NRG1: variants seen among roughly 807,000 people sequenced by gnomAD.
NRG1 encodes the protein neuregulin 1, also known as pro-neuregulin-1, membrane-bound isoform.
A neutral mutation model predicts 63.8 loss-of-function variants in NRG1; 18 were observed. The ratio of observed to expected loss-of-function variants is 0.28; its 90% CI spans 0.19 to 0.42. NRG1 has a LOEUF of 0.42. NRG1 is among the 10% of genes least tolerant of loss of function. The pLI, the probability that NRG1 is intolerant of heterozygous loss-of-function variation, is 1.00. For missense variants in NRG1, 762 were observed against 814.7 expected (o/e 0.94, Z 0.79); for synonymous variants, 302 against 301.3 (o/e 1.00, Z -0.02).
rs190054063 is a variant in NRG1 at position 31,859,592 on chromosome 8, C to T, written c.37+220161C>T. 1.3e-5 allele frequency among the ~76,000 whole-genome samples: 2 copies of T among 152,298 alleles called. 1 individual carries two copies. Among genetic ancestry groups the T allele is most frequent in the Non-Finnish European group, 2.9e-5 (2 of 68,026 alleles). On this transcript the variant is annotated intron_variant, in intron 1 of 10. Coordinates refer to the NRG1 transcript ENST00000519301. Reference sequence around the variant, plus strand: ...TAATTTGCTTTATTAAAAATAACTTCTGCATAACTATTGAAGAATAAAACA... The same window carrying T: ...TAATTTGCTTTATTAAAAATAACTTTTGCATAACTATTGAAGAATAAAACA...
intron 1 of NRG1, among the ~76,000 whole-genome samples, chr8:31,856,211 C>G (rs919809421): frequency 5.9e-5 from 9 of 152,174 alleles, no homozygotes; most frequent in African/African-American, 1.9e-4. Flanking sequence ...AGAGTATTTT[C>G]CAACTTGGTT....
chr8:32,254,710 G>T (rs768764297), intron 1 of NRG1, among the ~76,000 whole-genome samples: 4 of 152,178 alleles, frequency 2.6e-5, no homozygotes, highest in African/African-American at 9.7e-5. Flanking sequence ...CCAGAGCTGA[G>T]TTCAATGGAA....
intron 1 of NRG1, among the ~76,000 whole-genome samples, chr8:32,427,313 A>G (rs1017476872): frequency 1.3e-5 from 2 of 152,318 alleles, no homozygotes; most frequent in African/African-American, 2.4e-5. Flanking sequence ...TTCTTTGGAC[A>G]TGGCATTAAA....
At position 32,114,110 on chromosome 8, in the gene NRG1, G is replaced by A. The variant is rs181444854; in HGVS notation, c.37+474679G>A. ...CAACTTGTACTAAAATGGCCAAAGC[G>A]TTTACTTACATTTGTTTGTTTACAC... On this transcript the variant is annotated intron_variant, in intron 1 of 10. Coordinates refer to the NRG1 transcript ENST00000519301. Among the ~76,000 whole-genome samples, 26 of 152,304 alleles carry A rather than the reference G, an allele frequency of 1.7e-4. 1 individual carries two copies. In the South Asian group the frequency reaches 2.7e-3, roughly 16 times the overall value.
intron 1 of NRG1, among the ~76,000 whole-genome samples, chr8:32,565,653 C>A (rs891152918): frequency 1.3e-5 from 2 of 152,140 alleles, no homozygotes; most frequent in Admixed American, 1.3e-4. Flanking sequence ...TTATTTGGTG[C>A]CTTTTCAAAC....
chr8:31,872,266 A>AAG (rs1305208427), intron 1 of NRG1, among the ~76,000 whole-genome samples: 1 of 152,174 alleles, frequency 6.6e-6, no homozygotes, highest in Non-Finnish European at 1.5e-5. Flanking sequence ...TTCCCTCTTT[A>AAG]AGAGGGGACT....
intron 1 of NRG1, among the ~76,000 whole-genome samples, chr8:31,851,656 G>A (rs12675864): frequency 0.23 from 34,988 of 151,656 alleles, 5,248 homozygotes; most frequent in East Asian, 0.68. Context: ...TGTGCACAAT[G>A]TTCAGGTTAG....
intron 1 of NRG1, among the ~76,000 whole-genome samples, chr8:32,537,288 A>G (rs1008239837): frequency 1.3e-4 from 20 of 148,670 alleles, no homozygotes; most frequent in Non-Finnish European, 2.2e-4. Flanking sequence ...GCCTCCTCTT[A>G]CCTTCTGCTG....
chr8:31,910,600 G>A (rs568840568), intron 1 of NRG1, among the ~76,000 whole-genome samples: 1 of 152,304 alleles, frequency 6.6e-6, no homozygotes, highest in East Asian at 1.9e-4. Context: ...AGACATCTCA[G>A]TAGAAGATTT....
intron 1 of NRG1, among the ~76,000 whole-genome samples, chr8:32,174,518 C>A (rs1840465538): frequency 6.6e-6 from 1 of 152,094 alleles, no homozygotes; most frequent in African/African-American, 2.4e-5. Context: ...ACACAAAAAA[C>A]CCTTCAAAAA....
chr8:32,294,598 A>C (rs1854617454), intron 1 of NRG1, among the ~76,000 whole-genome samples: 1 of 152,234 alleles, frequency 6.6e-6, no homozygotes, highest in African/African-American at 2.4e-5. Context: ...CCAGTTGCAC[A>C]CATCATTATC....
chr8:32,559,338 A>G (rs968026527), intron 1 of NRG1, among the ~76,000 whole-genome samples: 1 of 150,798 alleles, frequency 6.6e-6, no homozygotes, highest in African/African-American at 2.4e-5. Context: ...CTCCCTTGAC[A>G]AATTAAGCCA....
chr8:32,616,797 G>T, intron 4 of NRG1, 38 bp from the exon 5 acceptor site: 1 of 1,540,608 alleles, frequency 6.5e-7, no homozygotes, highest in South Asian at 1.1e-5. Context: ...CAAGCAGCAT[G>T]ACTCAATAAA....
At chr8:32,493,408 G>A (rs747293358) in intron 1 of NRG1, among the ~76,000 whole-genome samples, 12 of 152,034 alleles carry the variant, frequency 7.9e-5, no homozygotes, top group Non-Finnish European at 1.6e-4. Flanking sequence ...CGCCAAAAAC[G>A]ACTACCTTTT....
At chr8:31,905,128 T>C (rs767773381) in intron 1 of NRG1, among the ~76,000 whole-genome samples, 3 of 152,032 alleles carry the variant, frequency 2.0e-5, no homozygotes, top group Non-Finnish European at 4.4e-5. Context: ...AGGACAGTAG[T>C]ATTGAGAAAG....
chr8:32,623,899 G>A (rs1848743160), intron 5 of NRG1, among the ~76,000 whole-genome samples: 1 of 152,118 alleles, frequency 6.6e-6, no homozygotes, highest in African/African-American at 2.4e-5. Context: ...TTTCGTACTG[G>A]TTGAAATTAA....
chr8:32,098,212 G>A (rs147287067), intron 1 of NRG1, among the ~76,000 whole-genome samples: 1 of 152,170 alleles, frequency 6.6e-6, no homozygotes, highest in Non-Finnish European at 1.5e-5. Flanking sequence ...AACTTCCATT[G>A]CATTTGGCAA....
chr8:32,409,348 G>T (rs952241470), intron 1 of NRG1, among the ~76,000 whole-genome samples: 1 of 152,132 alleles, frequency 6.6e-6, no homozygotes, highest in Non-Finnish European at 1.5e-5. Context: ...CCTAGGGAAG[G>T]AATTCATTAC....
At chr8:32,657,713 G>T (rs1801844826) in intron 5 of NRG1, among the ~76,000 whole-genome samples, 1 of 152,202 alleles carries the variant, frequency 6.6e-6, no homozygotes, top group African/African-American at 2.4e-5. Flanking sequence ...CCTTGGTAGA[G>T]CTTCCTGGGT....
Sources: gnomAD v4.1 joint callset for allele counts (sites outside exome capture counted in the v4.1 genomes callset) on GRCh38, gnomAD v4.1.1 for gene constraint, MANE v1.5 for transcripts, NCBI Gene and HGNC (gene_info 2026-07-23, HGNC 2026-07-21) for gene names.